Variants in FNBP1 observed in about 807,000 individuals in gnomAD.
The protein encoded by FNBP1 is formin-binding protein 1.
A neutral mutation model predicts 90.6 loss-of-function variants in FNBP1; 26 were observed. The ratio of observed to expected loss-of-function variants is 0.29; its 90% CI spans 0.21 to 0.40. The LOEUF (loss-of-function observed/expected upper bound fraction) is 0.40. Ranked by LOEUF, FNBP1 falls within the 10% of genes least tolerant of loss-of-function variation. The pLI is 1.00. For missense variants in FNBP1, 635 were observed against 768.0 expected, an observed-to-expected ratio of 0.83 and a Z score of 2.05; for synonymous variants, 260 against 265.2, an observed-to-expected ratio of 0.98 and a Z score of 0.19.
At chr9:129,948,188 A>AGG (rs1564405086) in intron 6 of FNBP1, among the ~76,000 whole-genome samples, 1 of 151,862 alleles carries the variant, frequency 6.6e-6, no homozygotes, top group African/African-American at 2.4e-5. Context: ...CAGGAGGATC[A>AGG]CTTGAATCCA....
the FNBP1 span, among the ~76,000 whole-genome samples, chr9:130,052,673 G>A: frequency 1.3e-5 from 2 of 151,880 alleles, no homozygotes; most frequent in African/African-American, 4.8e-5. Context: ...ACTTTCAAGT[G>A]ATCCGCCCGC....
In FNBP1 at chr9:129,900,715, G is replaced by A. The variant is rs939293071; in HGVS notation, c.1429-168C>T. On this transcript the variant is annotated intron_variant, in intron 13 of 16. Transcript: ENST00000446176. The surrounding 1 kb of genome is among the most constrained non-coding windows in gnomAD (Gnocchi z 4.1). ...CCCAATGTGAGGAAGTCCACGTGGGGGCAGAATGGCCACGTTTTCTGCCTT... is the reference window on the plus strand; with the variant it reads ...CCCAATGTGAGGAAGTCCACGTGGGAGCAGAATGGCCACGTTTTCTGCCTT... Among the ~76,000 whole-genome samples the A allele has an allele frequency of 3.3e-5, 5 of 152,342 alleles. No individual in the cohort carries two copies. The South Asian group carries it at 6.2e-4, about 19-fold the overall frequency.
intron 4 of FNBP1, among the ~76,000 whole-genome samples, chr9:129,960,258 T>G (rs2132901153): frequency 6.6e-6 from 1 of 151,420 alleles, no homozygotes; most frequent in South Asian, 2.1e-4. Flanking sequence ...GGACCTGTAA[T>G]CTCAGCTACT....
rs2034974860 is a variant in FNBP1, at chr9:129,890,178, T to C, written c.*361A>G. 2 of 405,736 alleles carry C rather than the reference T, an allele frequency of 4.9e-6. No homozygotes were observed. Among genetic ancestry groups the C allele is most frequent in the East Asian group, 4.0e-5 (1 of 24,776 alleles). 25.1% of individuals were successfully genotyped at this position (405,736 alleles called of 1,614,324 possible). A position where few individuals can be genotyped will look rare whatever the true frequency, so the allele number is the denominator to read the frequency against. On this transcript the variant is annotated 3_prime_UTR_variant, in exon 17 of 17. Transcript: ENST00000446176. This position sits in a 1 kb window ranked among gnomAD's most constrained non-coding sequence, Gnocchi z 5.8. ...GTGATGACACTTTCACAAAAGGCAC[T>C]GTGTGAAGCGCGGAAGGGCTGCCAG...
chr9:129,997,449 T>A (rs1207682053), intron 1 of FNBP1, among the ~76,000 whole-genome samples: 1 of 152,184 alleles, frequency 6.6e-6, no homozygotes, highest in Non-Finnish European at 1.5e-5. Flanking sequence ...AACCCCTAGA[T>A]TTCAGTTTAA....
chr9:130,028,201 T>C (rs965587844), intron 1 of FNBP1, among the ~76,000 whole-genome samples: 7 of 152,242 alleles, frequency 4.6e-5, no homozygotes, highest in Non-Finnish European at 7.3e-5. Flanking sequence ...AGATGAGCAA[T>C]GTGGGATGGG....
chr9:129,911,292 C>T (rs962063101), intron 11 of FNBP1, among the ~76,000 whole-genome samples: 1 of 152,204 alleles, frequency 6.6e-6, no homozygotes, highest in East Asian at 1.9e-4. Context: ...ATATGATCCT[C>T]ATTCAAGAGG....
At chr9:129,907,771 C>T (rs927524858) in intron 12 of FNBP1, among the ~76,000 whole-genome samples, 2 of 152,172 alleles carry the variant, frequency 1.3e-5, no homozygotes, top group East Asian at 3.8e-4. Context: ...CTCCATCACC[C>T]AGGCTGGAGT....
intron 11 of FNBP1, among the ~76,000 whole-genome samples, chr9:129,915,265 A>T (rs2040084930): frequency 6.6e-6 from 1 of 151,950 alleles, no homozygotes; most frequent in African/African-American, 2.4e-5. Flanking sequence ...AGATTTTTTC[A>T]TCTACTTCTA....
chr9:130,038,640 C>T (rs2059564056), intron 1 of FNBP1, among the ~76,000 whole-genome samples: 1 of 152,072 alleles, frequency 6.6e-6, no homozygotes, highest in Non-Finnish European at 1.5e-5. Flanking sequence ...CGTGATCTGC[C>T]CGCCTTGGCC....
chr9:130,029,859 C>A (rs1202394976), intron 1 of FNBP1, among the ~76,000 whole-genome samples: 1 of 151,972 alleles, frequency 6.6e-6, no homozygotes, highest in Admixed American at 6.6e-5. Context: ...TGTTGCCGGC[C>A]TGTAGTCCCA....
intron 4 of FNBP1, among the ~76,000 whole-genome samples, chr9:129,968,797 T>G (rs2049003491): frequency 6.6e-6 from 1 of 152,210 alleles, no homozygotes; most frequent in Non-Finnish European, 1.5e-5. Flanking sequence ...GTATAATTGT[T>G]TCCTCTAGAA....
chr9:129,892,414 C>CACACACACACACACACACACAA (rs762912634), intron 16 of FNBP1, among the ~76,000 whole-genome samples: 3 of 125,232 alleles, frequency 2.4e-5, no homozygotes, highest in East Asian at 2.2e-4. Flanking sequence ...CACACACACA[C>CACACACACACACACACACACAA]ACAAAAAGGT....
At position 129,978,318 on chromosome 9, in the gene FNBP1, T is replaced by C. The variant is rs908810398; in HGVS notation, c.345+147A>G. The C allele has an allele frequency of 4.3e-6, 3 of 698,018 alleles. No individual in the cohort carries two copies. In the African/African-American group the frequency reaches 5.5e-5, roughly 13 times the overall value. The allele number at this position is 698,018 out of a possible 1,614,324, so 43.2% of individuals were successfully genotyped here. ...ACAGGCATGAGCCACCGTGCCCAGCTGGGGTCCATAACTTTTATATGATTC... is the reference window on the plus strand; with the variant it reads ...ACAGGCATGAGCCACCGTGCCCAGCCGGGGTCCATAACTTTTATATGATTC... On this transcript the variant is annotated intron_variant, in intron 4 of 16. Coordinates refer to ENST00000446176, the MANE Select transcript of FNBP1 (RefSeq NM_015033.3).
At chr9:130,027,076 G>A (rs2058416265) in intron 1 of FNBP1, among the ~76,000 whole-genome samples, 1 of 152,104 alleles carries the variant, frequency 6.6e-6, no homozygotes, top group Non-Finnish European at 1.5e-5. Context: ...AAATTTGGGG[G>A]GGAAATGGCA....
chr9:129,954,457 A>G (rs1045333475), intron 6 of FNBP1, among the ~76,000 whole-genome samples: 2 of 152,176 alleles, frequency 1.3e-5, no homozygotes, highest in African/African-American at 4.8e-5. Context: ...TCAATGAAAA[A>G]TCTTAAATAA....
At chr9:130,052,525 C>T in the FNBP1 span, among the ~76,000 whole-genome samples, 2 of 151,962 alleles carry the variant, frequency 1.3e-5, no homozygotes, top group African/African-American at 4.8e-5. Flanking sequence ...CTCTGCCTCC[C>T]AGGTTCAAGT....
At chr9:129,907,438 G>A (rs1355582936) in intron 12 of FNBP1, among the ~76,000 whole-genome samples, 1 of 152,148 alleles carries the variant, frequency 6.6e-6, no homozygotes, top group African/African-American at 2.4e-5. Context: ...TTTGACCCCA[G>A]GGTATCTGGA....
intron 6 of FNBP1, among the ~76,000 whole-genome samples, chr9:129,943,849 CG>C (rs764732983): frequency 4.8e-4 from 72 of 151,524 alleles, no homozygotes; most frequent in South Asian, 1.9e-3. Context: ...AAAAATTAGC[CG>C]GGCGTGGTAT....
Sources: allele counts gnomAD v4.1 joint callset (sites outside exome capture counted in the v4.1 genomes callset), GRCh38; gene constraint gnomAD v4.1.1; non-coding constraint Gnocchi (gnomAD v3.1); transcripts MANE v1.5; gene names NCBI Gene and HGNC (gene_info 2026-07-23, HGNC 2026-07-21).